ABCC5: variants seen among roughly 807,000 people sequenced by gnomAD.
ABCC5 encodes ATP binding cassette subfamily C member 5.
In ABCC5, 61 loss-of-function variants were observed where a neutral mutation model predicts 160.9. That is an observed-to-expected ratio of 0.38 (90% confidence interval 0.31 to 0.47). The LOEUF is 0.47. Among genes scored for constraint, ABCC5 ranks in the 20% least tolerant of loss-of-function variants. The probability of loss-of-function intolerance (pLI) is 0.99; values close to 1 mark genes in which losing one functional copy is unlikely to be tolerated. For synonymous variants in ABCC5, 666 were observed against 700.6 expected, an observed-to-expected ratio of 0.95 and a Z score of 0.78; for missense variants, 1,308 against 1,813.3, an observed-to-expected ratio of 0.72 and a Z score of 5.06.
At position 183,988,487 on chromosome 3, in the gene ABCC5, G is replaced by C; in HGVS notation, c.443+85C>G. On this transcript the variant is annotated intron_variant, in intron 4 of 29. Transcript: ENST00000334444. The surrounding 1 kb of genome is among the most constrained non-coding windows in gnomAD (Gnocchi z 4.4). ...CCACTGGACAGCTCGGCTCTTTAAA[G>C]ACACAGAGCTGTGGACTTCACACTC... 6.7e-7 allele frequency: 1 copy of C among 1,499,064 alleles called. No individual in the cohort carries two copies. Among genetic ancestry groups the C allele is most frequent in the African/African-American group, 1.4e-5 (1 of 71,428 alleles). 92.9% of individuals were successfully genotyped at this position (1,499,064 alleles called of 1,614,324 possible).
chr3:183,937,637 C>T (rs757850607), intron 26 of ABCC5, among the ~76,000 whole-genome samples: 11 of 152,208 alleles, frequency 7.2e-5, no homozygotes, highest in African/African-American at 1.4e-4. Flanking sequence ...TCCGAAGTCA[C>T]GGAGCAGAGC....
chr3:183,968,579 T>C (rs1717443000), intron 11 of ABCC5, among the ~76,000 whole-genome samples: 1 of 152,244 alleles, frequency 6.6e-6, no homozygotes, highest in Non-Finnish European at 1.5e-5. Flanking sequence ...GGAATATTTA[T>C]ACCATCAATC....
chr3:183,974,707 G>A (rs966047687), intron 10 of ABCC5, among the ~76,000 whole-genome samples: 1 of 152,194 alleles, frequency 6.6e-6, no homozygotes, highest in Non-Finnish European at 1.5e-5. Flanking sequence ...ATTTGCTAGA[G>A]CAAGCCACCC....
At chr3:183,923,290 C>T (rs370631676) in intron 29 of ABCC5, among the ~76,000 whole-genome samples, 1 of 152,004 alleles carries the variant, frequency 6.6e-6, no homozygotes, top group African/African-American at 2.4e-5. Context: ...AACATCAAGC[C>T]ACCCATCGAA....
At chr3:183,981,901 A>C in intron 7 of ABCC5, 27 bp from the exon 8 acceptor site, 1 of 1,578,492 alleles carries the variant, frequency 6.3e-7, no homozygotes, top group African/African-American at 1.4e-5. Context: ...TGCCACGCCA[A>C]ATTAAAGCTC....
At chr3:183,990,401 A>C (rs1274530997) in intron 2 of ABCC5, among the ~76,000 whole-genome samples, 1 of 152,134 alleles carries the variant, frequency 6.6e-6, no homozygotes, top group African/African-American at 2.4e-5. Context: ...TGCCGCGCCC[A>C]GCTTATGGAC....
chr3:183,967,249 G>A (rs757398618), intron 12 of ABCC5: 28 of 190,672 alleles, frequency 1.5e-4, no homozygotes, highest in South Asian at 5.6e-4. Context: ...AGAAAACAGA[G>A]GGGCTTTGCT....
At chr3:183,959,047 T>C (rs1352633639) in intron 17 of ABCC5, among the ~76,000 whole-genome samples, 1 of 101,580 alleles carries the variant, frequency 9.8e-6, no homozygotes, top group Non-Finnish European at 2.0e-5. Context: ...TCTACATCTA[T>C]ACAGTACACA....
chr3:184,001,185 T>G, intron 2 of ABCC5: 1 of 472,414 alleles, frequency 2.1e-6, no homozygotes, highest in Non-Finnish European at 3.8e-6. Context: ...CCCAGGTGTT[T>G]GACGCTGCAG....
intron 2 of ABCC5, among the ~76,000 whole-genome samples, chr3:183,993,483 CA>C (rs57885159): frequency 1.3e-3 from 140 of 105,504 alleles, no homozygotes; most frequent in Middle Eastern, 5.6e-3. Flanking sequence ...GACCCTGTCT[CA>C]AAAAAAAAAA....
chr3:183,977,371 T>C (rs1454908618), intron 10 of ABCC5, 146 bp downstream of exon 10: 2 of 555,686 alleles, frequency 3.6e-6, no homozygotes, highest in Non-Finnish European at 6.4e-6. Flanking sequence ...TCTCCTCCAC[T>C]GCCCCCTTTT....
rs2108836481 is a variant in ABCC5 at position 183,971,874 on chromosome 3, C to T, written c.1450G>A (p.Ala484Thr). 3.1e-6 allele frequency: 5 copies of T among 1,614,126 alleles called. No individual in the cohort carries two copies. The South Asian group carries it at 5.5e-5, about 18-fold the overall frequency. ...ATCTCTATCTTGATGTGAGGACTGG[C>T]TGGTTTGTTCTTTATCATGTGAACC... ...EEVHMIKNKPASPHIKIEMKN... is the reference protein window; with the variant it reads ...EEVHMIKNKPTSPHIKIEMKN... Residue 484 changes from alanine (A) to threonine (T), a missense_variant, in exon 11 of 30, where the codon GCC (alanine) becomes ACC (threonine). This residue lies in a region of ABCC5 where 1,142 missense variants were observed against 1,527.1 expected (regional missense o/e 0.75). Coordinates refer to ENST00000334444, the MANE Select transcript of ABCC5 (RefSeq NM_005688.4).
At position 183,921,324 on chromosome 3, in the gene ABCC5, C is replaced by T; in HGVS notation, c.4290G>A (p.Glu1430=). 6.2e-7 allele frequency: 1 copy of T among 1,603,644 alleles called. No homozygotes were observed. The highest frequency in any genetic ancestry group is 8.5e-7 in the Non-Finnish European group (1 of 1,171,090). The change falls in exon 30 of 30, where the codon GAG becomes GAA. Residue 1430 remains glutamate, a synonymous_variant. Transcript: ENST00000334444. The surrounding 1 kb of genome is among the most constrained non-coding windows in gnomAD (Gnocchi z 4.1). ...GTCAGCCCTTGACAGCGACCTTGTT[C>T]TCTGCAGCAGCAAACATGGCATAGA... ...SRFYAMFAAA[E]NKVAVKG
At position 183,973,212 on chromosome 3, in the gene ABCC5, G is replaced by A. The variant is rs550205177; in HGVS notation, c.1405-1293C>T. 2.0e-5 allele frequency among the ~76,000 whole-genome samples: 3 copies of A among 151,666 alleles called. No individual in the cohort carries two copies. In the East Asian group the frequency reaches 5.9e-4, roughly 30 times the overall value. On this transcript the variant is annotated intron_variant, in intron 10 of 29. Coordinates refer to ENST00000334444, the MANE Select transcript of ABCC5 (RefSeq NM_005688.4). Reference sequence around the variant, plus strand: ...TGGGACTACAGGTGCCCGCCACCACGCCTGGCTAATTTTTTGTATTTTTAG... The same window carrying A: ...TGGGACTACAGGTGCCCGCCACCACACCTGGCTAATTTTTTGTATTTTTAG...
intron 10 of ABCC5, among the ~76,000 whole-genome samples, chr3:183,973,932 C>G (rs899465907): frequency 3.3e-5 from 5 of 152,188 alleles, no homozygotes; most frequent in African/African-American, 4.8e-5. Flanking sequence ...CCAGTACCTA[C>G]TGGTTTTCAC....
intron 24 of ABCC5, among the ~76,000 whole-genome samples, chr3:183,943,453 C>T (rs531563102): frequency 6.6e-6 from 1 of 152,290 alleles, no homozygotes; most frequent in African/African-American, 2.4e-5. Context: ...ATCACCACTT[C>T]TTCTGCATCT....
Position 183,981,709 on chromosome 3 carries a change from C to A in ABCC5, c.1147+18G>T, listed in dbSNP as rs771179988. 1.0e-5 allele frequency: 16 copies of A among 1,607,476 alleles called. No individual in the cohort carries two copies. Among genetic ancestry groups the A allele is most frequent in the Admixed American group, 1.7e-5 (1 of 58,144 alleles). ...AAGGTCCTTCTACCACATGCACATA[C>A]AAAATCTTTAAACTCACTTTGAACA... On this transcript the variant is annotated intron_variant, in intron 8 of 29. Coordinates refer to ENST00000334444, the MANE Select transcript of ABCC5 (RefSeq NM_005688.4).
chr3:183,995,914 T>A (rs1720240896), intron 2 of ABCC5, among the ~76,000 whole-genome samples: 1 of 152,008 alleles, frequency 6.6e-6, no homozygotes. Flanking sequence ...TTCACTCCAT[T>A]CTCCTGCCTC....
chr3:183,975,005 G>C (rs559206511), intron 10 of ABCC5, among the ~76,000 whole-genome samples: 1 of 152,266 alleles, frequency 6.6e-6, no homozygotes, highest in South Asian at 2.1e-4. Context: ...CTGCAACATC[G>C]TCAGTGAGTT....
Sources: allele counts gnomAD v4.1 joint callset (sites outside exome capture counted in the v4.1 genomes callset), GRCh38; gene constraint gnomAD v4.1.1; regional missense constraint gnomAD v4.1.1; non-coding constraint Gnocchi (gnomAD v3.1); transcripts MANE v1.5; gene names NCBI Gene and HGNC (gene_info 2026-07-23, HGNC 2026-07-21).